The following CARMIL1 variants were observed in gnomAD, a reference collection of about 807,000 sequenced individuals.
The protein encoded by CARMIL1 is capping protein regulator and myosin 1 linker 1, also known as F-actin-uncapping protein LRRC16A.
A neutral mutation model predicts 177.1 loss-of-function variants in CARMIL1; 90 were observed. That is an observed-to-expected ratio of 0.51 (90% CI 0.43 to 0.61). The LOEUF (loss-of-function observed/expected upper bound fraction) is 0.61, where lower values mean the gene tolerates loss of function less well. Ranked by LOEUF, CARMIL1 falls within the 20% of genes least tolerant of loss-of-function variation. The pLI, the probability that CARMIL1 is intolerant of heterozygous loss-of-function variation, is 0.00. For missense variants in CARMIL1, 1,380 were observed against 1,667.0 expected, an observed-to-expected ratio of 0.83 and a Z score of 3.00; for synonymous variants, 577 against 606.2, an observed-to-expected ratio of 0.95 and a Z score of 0.71.
chr6:25,603,162 C>T (rs757411875), intron 33 of CARMIL1, among the ~76,000 whole-genome samples: 201 of 152,310 alleles, frequency 1.3e-3, no homozygotes, highest in Middle Eastern at 3.4e-3. Flanking sequence ...AGGTGCCTGC[C>T]ATGCACTTGG....
chr6:25,456,245 A>G (rs979231716), intron 8 of CARMIL1, among the ~76,000 whole-genome samples: 6 of 152,312 alleles, frequency 3.9e-5, no homozygotes, highest in African/African-American at 9.6e-5. Context: ...CGTAAGATCT[A>G]TATAGGTGCT....
At chr6:25,502,012 A>C (rs1020790380) in intron 17 of CARMIL1, among the ~76,000 whole-genome samples, 2 of 149,920 alleles carry the variant, frequency 1.3e-5, no homozygotes, top group African/African-American at 2.4e-5. Context: ...AAAAAAAAAA[A>C]CCCAAACAAT....
chr6:25,597,328 G>T (rs1238354973), intron 32 of CARMIL1, among the ~76,000 whole-genome samples: 2 of 152,018 alleles, frequency 1.3e-5, no homozygotes, highest in African/African-American at 4.8e-5. Context: ...CATGAGTTTT[G>T]CTGGGGACAA....
At chr6:25,482,194 C>A in intron 11 of CARMIL1, 63 bp from the exon 12 acceptor site, 1 of 757,932 alleles carries the variant, frequency 1.3e-6, no homozygotes, top group Non-Finnish European at 2.3e-6. Context: ...TAATTTTCAT[C>A]CATTGTAAAA....
intron 2 of CARMIL1, among the ~76,000 whole-genome samples, chr6:25,304,577 G>A (rs1489176147): frequency 6.6e-6 from 1 of 152,148 alleles, no homozygotes; most frequent in African/African-American, 2.4e-5. Context: ...AAATGCCTTG[G>A]CTGATCTGAC....
At chr6:25,563,954 C>A in intron 29 of CARMIL1, 2 of 776,188 alleles carry the variant, frequency 2.6e-6, no homozygotes, top group Non-Finnish European at 3.1e-6. Flanking sequence ...ATGGTTGCAA[C>A]CAGGATTAAA....
At chr6:25,403,100 A>T (rs199971375) in intron 2 of CARMIL1, among the ~76,000 whole-genome samples, 2,628 of 137,458 alleles carry the variant, frequency 0.019, 38 homozygotes, top group African/African-American at 0.045. Context: ...TTTTTTTTTT[A>T]AAAACAAAAC....
At chr6:25,386,250 G>T (rs1006841300) in intron 2 of CARMIL1, among the ~76,000 whole-genome samples, 1 of 152,184 alleles carries the variant, frequency 6.6e-6, no homozygotes, top group Non-Finnish European at 1.5e-5. Flanking sequence ...TAATCTTTGT[G>T]TGTGTGTGGG....
intron 2 of CARMIL1, among the ~76,000 whole-genome samples, chr6:25,387,799 A>C (rs1792325634): frequency 6.6e-6 from 1 of 152,196 alleles, no homozygotes; most frequent in Non-Finnish European, 1.5e-5. Flanking sequence ...AAATATTTTC[A>C]GTAGAAGACT....
chr6:25,492,058 G>C (rs781692107), intron 15 of CARMIL1, 34 bp downstream of exon 15: 5 of 1,582,262 alleles, frequency 3.2e-6, no homozygotes, highest in Non-Finnish European at 4.3e-6. Context: ...TTGTCATCTG[G>C]AAGTGTCTTC....
chr6:25,501,883 TGTA>T (rs1804387072), intron 17 of CARMIL1, among the ~76,000 whole-genome samples: 1 of 151,786 alleles, frequency 6.6e-6, no homozygotes, highest in African/African-American at 2.4e-5. Flanking sequence ...AAATTGTTAG[TGTA>T]GTATTTTTCA....
intron 26 of CARMIL1, among the ~76,000 whole-genome samples, chr6:25,541,788 G>GGACT (rs1019469675): frequency 2.6e-4 from 39 of 152,200 alleles, no homozygotes; most frequent in African/African-American, 8.9e-4. Flanking sequence ...CAAGTAGCTG[G>GGACT]GACTACAGGT....
intron 2 of CARMIL1, among the ~76,000 whole-genome samples, chr6:25,304,141 AAAG>A (rs1258019452): frequency 1.3e-5 from 2 of 152,230 alleles, no homozygotes; most frequent in Non-Finnish European, 2.9e-5. Flanking sequence ...ACATCACAGA[AAAG>A]AAGACGTAGA....
chr6:25,406,609 A>G (rs1234642029), intron 2 of CARMIL1, among the ~76,000 whole-genome samples: 1 of 152,090 alleles, frequency 6.6e-6, no homozygotes, highest in African/African-American at 2.4e-5. Flanking sequence ...GAATGGATGT[A>G]AGAGGTATTT....
intron 11 of CARMIL1, among the ~76,000 whole-genome samples, chr6:25,479,722 CT>C (rs142763036): frequency 0.016 from 2,454 of 151,806 alleles, 38 homozygotes; most frequent in African/African-American, 0.046. Flanking sequence ...GATTAATTTG[CT>C]GTTTTTTGAG....
chr6:25,583,219 A>C (rs1813293430), intron 31 of CARMIL1, among the ~76,000 whole-genome samples: 1 of 152,192 alleles, frequency 6.6e-6, no homozygotes. Flanking sequence ...AAAGAAGGCA[A>C]GGCTTCTTCC....
At chr6:25,455,993 G>C (rs79349325) in intron 8 of CARMIL1, among the ~76,000 whole-genome samples, 2 of 152,162 alleles carry the variant, frequency 1.3e-5, no homozygotes, top group African/African-American at 4.8e-5. Flanking sequence ...GTCACCAAGA[G>C]CCCCTACTAC....
At chr6:25,603,679 A>G (rs1815649912) in intron 33 of CARMIL1, among the ~76,000 whole-genome samples, 1 of 152,208 alleles carries the variant, frequency 6.6e-6, no homozygotes, top group Admixed American at 6.5e-5. Flanking sequence ...CTGCTGGTCT[A>G]CTGGTCCACA....
chr6:25,311,334 A>G (rs1042693978), intron 2 of CARMIL1, among the ~76,000 whole-genome samples: 1 of 152,236 alleles, frequency 6.6e-6, no homozygotes, highest in Non-Finnish European at 1.5e-5. Flanking sequence ...AGGAGATCAC[A>G]GCAGTTAATT....
Sources: allele counts gnomAD v4.1 joint callset (sites outside exome capture counted in the v4.1 genomes callset), GRCh38; gene constraint gnomAD v4.1.1; transcripts MANE v1.5; gene names NCBI Gene and HGNC (gene_info 2026-07-23, HGNC 2026-07-21).